Variants in PPP1R12B observed in about 807,000 individuals in gnomAD.
PPP1R12B encodes protein phosphatase 1 regulatory subunit 12B.
Under a neutral mutation model 126.1 loss-of-function variants are expected in PPP1R12B, and 76 were observed. That is an observed-to-expected ratio of 0.60 (90% confidence interval 0.50 to 0.73). The LOEUF is 0.73. Ranked by LOEUF, PPP1R12B falls within the 30% of genes least tolerant of loss-of-function variation. The probability of loss-of-function intolerance (pLI) is 0.00; values close to 1 mark genes in which losing one functional copy is unlikely to be tolerated. For missense variants in PPP1R12B, 1,052 were observed against 1,205.1 expected (o/e 0.87, Z 1.88); for synonymous variants, 356 against 434.7 (o/e 0.82, Z 2.25).
chr1:202,451,142 ATAG>A (rs1350597477), intron 13 of PPP1R12B, among the ~76,000 whole-genome samples: 1 of 149,658 alleles, frequency 6.7e-6, no homozygotes, highest in Non-Finnish European at 1.5e-5. Flanking sequence ...TTTTTTTTTA[ATAG>A]TAGTATGATT....
intron 13 of PPP1R12B, among the ~76,000 whole-genome samples, chr1:202,466,039 AATG>A (rs1337267422): frequency 1.3e-5 from 2 of 152,178 alleles, no homozygotes; most frequent in African/African-American, 4.8e-5. Context: ...ACACCTGCAC[AATG>A]ATTTTATTTG....
intron 18 of PPP1R12B, among the ~76,000 whole-genome samples, chr1:202,528,609 T>C (rs1683594943): frequency 6.6e-6 from 1 of 152,200 alleles, no homozygotes; most frequent in Non-Finnish European, 1.5e-5. Context: ...GGCATTGCAA[T>C]GTGAGAATGA....
chr1:202,452,588 G>C (rs956391033), intron 13 of PPP1R12B, among the ~76,000 whole-genome samples: 4 of 151,996 alleles, frequency 2.6e-5, no homozygotes, highest in Admixed American at 2.6e-4. Context: ...AGGAGGGGGA[G>C]GGGGAGAGGG....
chr1:202,350,311 GT>G (rs1343982921), intron 1 of PPP1R12B, among the ~76,000 whole-genome samples: 2 of 152,208 alleles, frequency 1.3e-5, no homozygotes, highest in African/African-American at 4.8e-5. Context: ...GTGCTTTGCT[GT>G]TTGATTTCAT....
In PPP1R12B at chr1:202,516,917, T is replaced by C. The variant is rs556240901; in HGVS notation, c.2490+20095T>C. ...AATAGCTAGTTATTGGATTAGTTAG[T>C]GAGGTGTGATTGTCAGTTTTCATCA... On this transcript the variant is annotated intron_variant, in intron 18 of 23. Coordinates refer to ENST00000608999, the MANE Select transcript of PPP1R12B (RefSeq NM_002481.4). Among the ~76,000 whole-genome samples the C allele has an allele frequency of 3.9e-5, 6 of 152,170 alleles. No homozygotes were observed. The South Asian group carries it at 1.2e-3, about 32-fold the overall frequency.
intron 10 of PPP1R12B, chr1:202,439,639 C>T: frequency 1.3e-6 from 1 of 791,118 alleles, no homozygotes; most frequent in African/African-American, 1.7e-5. Flanking sequence ...CCCCCAGGCT[C>T]CCTGTCCACT....
intron 18 of PPP1R12B, among the ~76,000 whole-genome samples, chr1:202,543,247 A>G (rs1315385227): frequency 2.0e-5 from 3 of 152,160 alleles, no homozygotes; most frequent in South Asian, 2.1e-4. Flanking sequence ...ACAAACTTTT[A>G]TTATATATGT....
intron 10 of PPP1R12B, chr1:202,439,879 C>T (rs1171039602): frequency 1.9e-5 from 6 of 312,548 alleles, no homozygotes; most frequent in Non-Finnish European, 3.1e-5. Context: ...GCCCCTCCTG[C>T]CCTGCTTGCC....
At chr1:202,482,005 G>A (rs1203285356) in intron 13 of PPP1R12B, among the ~76,000 whole-genome samples, 1 of 149,918 alleles carries the variant, frequency 6.7e-6, no homozygotes, top group African/African-American at 2.5e-5. Flanking sequence ...TTTTTTCTGT[G>A]TCTGGCTTAT....
intron 18 of PPP1R12B, among the ~76,000 whole-genome samples, chr1:202,557,130 G>A (rs1263174582): frequency 3.9e-5 from 6 of 152,138 alleles, no homozygotes; most frequent in Admixed American, 1.3e-4. Context: ...ATGGATCACA[G>A]GTGCCCACCA....
At position 202,508,602 on chromosome 1, in the gene PPP1R12B, T is replaced by C. The variant is rs776192732; in HGVS notation, c.2490+11780T>C. Among the ~76,000 whole-genome samples the C allele has an allele frequency of 1.3e-5, 2 of 152,226 alleles. No individual in the cohort carries two copies. Among genetic ancestry groups the C allele is most frequent in the Non-Finnish European group, 2.9e-5 (2 of 68,038 alleles). On this transcript the variant is annotated intron_variant, in intron 18 of 23. Coordinates refer to ENST00000608999, the MANE Select transcript of PPP1R12B (RefSeq NM_002481.4). The surrounding 1 kb of genome is among the most constrained non-coding windows in gnomAD (Gnocchi z 4.5). ...TTATGTCACCAAATAAAACATTGTA[T>C]ACTTTAAGATGGCATTTTAGGAGTT...
At chr1:202,349,236 C>T in intron 1 of PPP1R12B, 94 bp downstream of exon 1, 1 of 1,440,532 alleles carries the variant, frequency 6.9e-7, no homozygotes, top group Non-Finnish European at 9.4e-7. Context: ...GTGTTGCCGC[C>T]GACTCCTTCT....
intron 1 of PPP1R12B, among the ~76,000 whole-genome samples, chr1:202,383,940 G>C (rs1294082240): frequency 1.3e-5 from 2 of 152,058 alleles, no homozygotes; most frequent in Non-Finnish European, 2.9e-5. Context: ...TTGCTTGTTT[G>C]CTTTTCTTTT....
In PPP1R12B at chr1:202,555,325, G is replaced by GAAA. The variant is rs56752885; in HGVS notation, c.2491-3526_2491-3524dup. Among the ~76,000 whole-genome samples, 121 of 25,356 alleles carry GAAA rather than the reference G, an allele frequency of 4.8e-3. 30 individuals are homozygous for GAAA. The highest frequency in any genetic ancestry group is 0.019 in the African/African-American group (117 of 6,250). The allele number at this position is 25,356 out of a possible 152,430, so 16.6% of individuals were successfully genotyped here. A position where few individuals can be genotyped will look rare whatever the true frequency, so the allele number is the denominator to read the frequency against. On this transcript the variant is annotated intron_variant, in intron 18 of 23. Coordinates refer to ENST00000608999, the MANE Select transcript of PPP1R12B (RefSeq NM_002481.4). The stretch of plus-strand genomic sequence containing the variant: ...AAAACCCTAATTTTCCTGTTTTAAT[G>GAAA]AAAAAAAAAAAAAAAAAAAAAAAAA...
chr1:202,379,899 A>C (rs544386611), intron 1 of PPP1R12B, among the ~76,000 whole-genome samples: 1 of 152,324 alleles, frequency 6.6e-6, no homozygotes. Flanking sequence ...AATTTAGTAG[A>C]TCTGGAGTAC....
chr1:202,592,396 G>GC lies in PPP1R12B; in HGVS notation c.*11837dup, dbSNP rs1307053864. ...ATGGGGGGTTTCCCGATGGGAGGAG[G>GC]CAGGGGTGGGGCTGGGGAACAAAGA... On this transcript the variant is annotated 3_prime_UTR_variant, in exon 24 of 24. Transcript: ENST00000608999. The GC allele has an allele frequency of 1.3e-5, 2 of 152,674 alleles. No homozygotes were observed. The highest frequency in any genetic ancestry group is 2.9e-5 in the Non-Finnish European group (2 of 68,068). 9.5% of individuals were successfully genotyped at this position (152,674 alleles called of 1,614,324 possible).
At chr1:202,358,543 G>A (rs1035487996) in intron 1 of PPP1R12B, among the ~76,000 whole-genome samples, 2 of 152,110 alleles carry the variant, frequency 1.3e-5, no homozygotes, top group African/African-American at 2.4e-5. Flanking sequence ...TTAGCCGGGC[G>A]TGGTCGCACG....
At chr1:202,454,405 T>A (rs1673362555) in intron 13 of PPP1R12B, among the ~76,000 whole-genome samples, 1 of 152,218 alleles carries the variant, frequency 6.6e-6, no homozygotes. Context: ...ATTCACTGGA[T>A]ATGTTCTAGC....
intron 18 of PPP1R12B, among the ~76,000 whole-genome samples, chr1:202,525,437 C>G (rs1683217885): frequency 6.6e-6 from 1 of 151,722 alleles, no homozygotes; most frequent in African/African-American, 2.4e-5. Context: ...TTAAATGTTG[C>G]TGATAGGGTC....
Sources: gnomAD v4.1 joint callset for allele counts (sites outside exome capture counted in the v4.1 genomes callset) on GRCh38, gnomAD v4.1.1 for gene constraint, Gnocchi (gnomAD v3.1) non-coding constraint, MANE v1.5 for transcripts, NCBI Gene and HGNC (gene_info 2026-07-23, HGNC 2026-07-21) for gene names.